Variants in HECTD4 observed in about 807,000 individuals in gnomAD.
HECTD4 encodes HECT domain E3 ubiquitin protein ligase 4.
HECTD4 carries 114 observed loss-of-function variants against 471.5 expected under a neutral mutation model. That is an observed-to-expected ratio of 0.24 (90% CI 0.21 to 0.28). HECTD4 has a LOEUF of 0.28. Among genes scored for constraint, HECTD4 ranks in the 10% least tolerant of loss-of-function variants. The pLI, the probability that HECTD4 is intolerant of heterozygous loss-of-function variation, is 1.00. For missense variants in HECTD4, 3,866 were observed against 5,651.5 expected (o/e 0.68, Z 10.13); for synonymous variants, 2,012 against 2,256.0 (o/e 0.89, Z 3.07).
chr12:112,314,706 A>G (rs2035443682), intron 2 of HECTD4, among the ~76,000 whole-genome samples, 160 bp from the exon 3 acceptor site: 1 of 152,258 alleles, frequency 6.6e-6, no homozygotes, highest in South Asian at 2.1e-4. Context: ...TTGATTATTA[A>G]CTATCACCAT....
chr12:112,162,306 G>A lies in HECTD4; in HGVS notation c.*81C>T. ...TGCCAACTCCTCACGCAGGGCCCTG[G>A]AGGGACGGGCCGCAGTGGTGGCTTC... On this transcript the variant is annotated 3_prime_UTR_variant, in exon 76 of 76. Transcript: ENST00000682272. The surrounding 1 kb of genome is among the most constrained non-coding windows in gnomAD (Gnocchi z 5.2). 1.3e-6 allele frequency: 2 copies of A among 1,557,390 alleles called. No individual in the cohort carries two copies. The highest frequency in any genetic ancestry group is 8.8e-7 in the Non-Finnish European group (1 of 1,132,382).
In HECTD4 at chr12:112,188,443, T is replaced by C. The variant is rs1447973192; in HGVS notation, c.9472+2343A>G. ...CACGTTTGTGCCAAGGTCTCCTTCA[T>C]ACCAGAGGCATATCTTACATTCACA... On this transcript the variant is annotated intron_variant, in intron 60 of 75. Coordinates refer to ENST00000682272, the MANE Select transcript of HECTD4 (RefSeq NM_001388303.1). The surrounding 1 kb of genome is among the most constrained non-coding windows in gnomAD (Gnocchi z 4.2). 6.6e-6 allele frequency among the ~76,000 whole-genome samples: 1 copy of C among 152,214 alleles called. No homozygotes were observed. Among genetic ancestry groups the C allele is most frequent in the African/African-American group, 2.4e-5 (1 of 41,450 alleles).
At position 112,319,076 on chromosome 12, in the gene HECTD4, T is replaced by G. The variant is rs1271441974; in HGVS notation, c.695+149A>C. On this transcript the variant is annotated intron_variant, in intron 2 of 75. Coordinates refer to ENST00000682272, the MANE Select transcript of HECTD4 (RefSeq NM_001388303.1). This position sits in a 1 kb window ranked among gnomAD's most constrained non-coding sequence, Gnocchi z 5.3. ...AGTTTGGTGAAAGCATCTCATGCAC[T>G]GTCAAGGCTGTGAAATTCAATACTG... 3.5e-6 allele frequency: 3 copies of G among 861,460 alleles called. No homozygotes were observed. The highest frequency in any genetic ancestry group is 5.8e-5 in the Admixed American group (2 of 34,702). 53.4% of individuals were successfully genotyped at this position (861,460 alleles called of 1,614,324 possible). A position where few individuals can be genotyped will look rare whatever the true frequency, so the allele number is the denominator to read the frequency against.
chr12:112,261,600 G>T, intron 17 of HECTD4, 171 bp from the exon 18 acceptor site: 1 of 611,348 alleles, frequency 1.6e-6, no homozygotes, highest in Non-Finnish European at 2.7e-6. Context: ...GCCAGAATAA[G>T]CCCAAAGCAG....
At position 112,185,037 on chromosome 12, in the gene HECTD4, G is replaced by C. The variant is rs1413461906; in HGVS notation, c.9929C>G (p.Ser3310Cys). 2.5e-6 allele frequency: 4 copies of C among 1,596,508 alleles called. No homozygotes were observed. The highest frequency in any genetic ancestry group is 1.8e-5 in the Admixed American group (1 of 56,356). ...CTTCATCTTGACTTTTTTCCTCTTG[G>C]AGAGGAGGCTGGGACTCTGTGGGGT... ...GQTPQSPSLL[S>C]KRKKVKMKRE... Residue 3310 changes from serine (S) to cysteine (C), a missense_variant, in exon 61 of 76, where the codon TCC becomes TGC. Coordinates refer to ENST00000682272, the MANE Select transcript of HECTD4 (RefSeq NM_001388303.1).
Position 112,176,439 on chromosome 12 carries a change from T to A in HECTD4, c.11470+157A>T, listed in dbSNP as rs540102427. On this transcript the variant is annotated intron_variant, in intron 65 of 75. Transcript: ENST00000682272. ...TTTCCCAGAATCTCTGGAAATGCTG[T>A]CCTGCCTGATACCCCAGGGAACCCA... Among the ~76,000 whole-genome samples, 22 of 152,298 alleles carry A rather than the reference T, an allele frequency of 1.4e-4. 1 individual carries two copies. The South Asian group carries it at 4.6e-3, about 32-fold the overall frequency.
Position 112,279,347 on chromosome 12 carries a change from T to C in HECTD4, c.1568A>G (p.Lys523Arg). 10 of 1,606,450 alleles carry C rather than the reference T, an allele frequency of 6.2e-6. No individual in the cohort carries two copies. Among genetic ancestry groups the C allele is most frequent in the Non-Finnish European group, 8.5e-6 (10 of 1,178,468 alleles). The change falls in exon 9 of 76, where the codon AAG becomes AGG. Residue 523 changes from lysine (K) to arginine (R), a missense_variant. Coordinates refer to ENST00000682272, the MANE Select transcript of HECTD4 (RefSeq NM_001388303.1). ...GGTGCCACAGGTATATATGGGTGTCTTCCGCAGCATTTTTAGAGGCAGCCC... is the reference window on the plus strand; with the variant it reads ...GGTGCCACAGGTATATATGGGTGTCCTCCGCAGCATTTTTAGAGGCAGCCC... Reference protein sequence around the residue: ...SCGLPLKMLRKTPIYTCGTYL... With the variant: ...SCGLPLKMLRRTPIYTCGTYL...
chr12:112,294,998 G>A (rs906863070), intron 7 of HECTD4, among the ~76,000 whole-genome samples: 4 of 152,020 alleles, frequency 2.6e-5, no homozygotes, highest in Non-Finnish European at 5.9e-5. Flanking sequence ...AGCTTCTACT[G>A]TGTGCCGGGT....
At chr12:112,261,686 A>T (rs2034149041) in intron 17 of HECTD4, 3 of 309,666 alleles carry the variant, frequency 9.7e-6, no homozygotes, top group Non-Finnish European at 1.8e-5. Flanking sequence ...GAGGGATCAC[A>T]CTGAGTCCCT....
Position 112,331,401 on chromosome 12 carries a change from T to A in HECTD4, c.178-11659A>T, listed in dbSNP as rs954307200. 2.0e-5 allele frequency among the ~76,000 whole-genome samples: 3 copies of A among 152,136 alleles called. No homozygotes were observed. The South Asian group carries it at 6.2e-4, about 31-fold the overall frequency. On this transcript the variant is annotated intron_variant, in intron 1 of 75. Coordinates refer to ENST00000682272, the MANE Select transcript of HECTD4 (RefSeq NM_001388303.1). ...TCAGTTTTTAAAGCCCACAGGTGAA[T>A]CCAATGTGCAGCCAAGATTTCAAAC...
intron 17 of HECTD4, 63 bp from the exon 18 acceptor site, chr12:112,261,492 A>G: frequency 1.4e-6 from 2 of 1,432,620 alleles, no homozygotes; most frequent in Non-Finnish European, 1.9e-6. Context: ...TCACAATGAC[A>G]ACATGAAATG....
chr12:112,205,467 G>A (rs1217373954), intron 52 of HECTD4, among the ~76,000 whole-genome samples: 2 of 152,020 alleles, frequency 1.3e-5, no homozygotes, highest in Non-Finnish European at 2.9e-5. Flanking sequence ...AAACCGAAGT[G>A]TTCATCAGTA....
chr12:112,297,475 A>G (rs535664118), intron 7 of HECTD4, among the ~76,000 whole-genome samples: 4 of 152,082 alleles, frequency 2.6e-5, no homozygotes, highest in African/African-American at 9.7e-5. Context: ...GCACCTCTAT[A>G]GAAGTAATGG....
chr12:112,162,302 C>T lies in HECTD4; in HGVS notation c.*85G>A. 1 of 1,551,324 alleles carries T rather than the reference C, an allele frequency of 6.4e-7. No homozygotes were observed. The highest frequency in any genetic ancestry group is 1.4e-5 in the African/African-American group (1 of 73,726). On this transcript the variant is annotated 3_prime_UTR_variant, in exon 76 of 76. Transcript: ENST00000682272. This position sits in a 1 kb window ranked among gnomAD's most constrained non-coding sequence, Gnocchi z 5.2. ...ATGTTGCCAACTCCTCACGCAGGGC[C>T]CTGGAGGGACGGGCCGCAGTGGTGG...
chr12:112,254,145 C>T lies in HECTD4; in HGVS notation c.3345G>A (p.Gly1115=), dbSNP rs762493599. ...CAACCTTCCTACTGTTTGTGTTAGGCCCCGCATATATCACCAACTTCAAAA... is the reference window on the plus strand; with the variant it reads ...CAACCTTCCTACTGTTTGTGTTAGGTCCCGCATATATCACCAACTTCAAAA... ...YDYDKLVIYA[G]PNTNSRKVAE... Residue 1115 remains glycine (G), a synonymous_variant, in exon 22 of 76, where the codon GGG becomes GGA. Transcript: ENST00000682272. The T allele has an allele frequency of 1.2e-6, 2 of 1,613,892 alleles. No homozygotes were observed. Among genetic ancestry groups the T allele is most frequent in the Non-Finnish European group, 1.7e-6 (2 of 1,179,842 alleles).
At chr12:112,270,740 A>G (rs920146009) in intron 11 of HECTD4, among the ~76,000 whole-genome samples, 7 of 152,184 alleles carry the variant, frequency 4.6e-5, no homozygotes, top group African/African-American at 1.7e-4. Context: ...AACTTAGACT[A>G]TTTTAGCCCT....
rs1193174494 is a variant in HECTD4 at position 112,165,222 on chromosome 12, C to CT, written c.12535-948dup. 3.3e-3 allele frequency among the ~76,000 whole-genome samples: 459 copies of CT among 138,392 alleles called. 1 individual carries two copies. The highest frequency in any genetic ancestry group is 8.4e-3 in the Middle Eastern group (2 of 238). The allele number at this position is 138,392 out of a possible 152,430, so 90.8% of individuals were successfully genotyped here. On this transcript the variant is annotated intron_variant, in intron 72 of 75. Coordinates refer to ENST00000682272, the MANE Select transcript of HECTD4 (RefSeq NM_001388303.1). ...CTGAGCCACCGCGCCTGTCCTCTTT[C>CT]TTTTTTTTTTTTTAAAGCAATCTGG...
At chr12:112,330,721 A>G (rs2135714813) in intron 1 of HECTD4, among the ~76,000 whole-genome samples, 1 of 152,356 alleles carries the variant, frequency 6.6e-6, no homozygotes, top group African/African-American at 2.4e-5. Flanking sequence ...AATGAATGAG[A>G]AGATAAATAA....
chr12:112,283,963 T>C (rs1245970148), intron 7 of HECTD4, among the ~76,000 whole-genome samples: 2 of 151,660 alleles, frequency 1.3e-5, no homozygotes, highest in Non-Finnish European at 2.9e-5. Context: ...TTCTTTTTTT[T>C]TTTTTTTTTC....
Sources: gnomAD v4.1 joint callset for allele counts (sites outside exome capture counted in the v4.1 genomes callset) on GRCh38, gnomAD v4.1.1 for gene constraint, Gnocchi (gnomAD v3.1) non-coding constraint, MANE v1.5 for transcripts, NCBI Gene and HGNC (gene_info 2026-07-23, HGNC 2026-07-21) for gene names.